SPATS2: variants seen among roughly 807,000 people sequenced by gnomAD.
SPATS2 encodes spermatogenesis associated serine rich 2.
Under a neutral mutation model 63.7 loss-of-function variants are expected in SPATS2, and 38 were observed. The ratio of observed to expected loss-of-function variants is 0.60; its 90% confidence interval spans 0.46 to 0.78. The LOEUF is 0.78. Among genes scored for constraint, SPATS2 ranks in the 30% least tolerant of loss-of-function variants. SPATS2 has a pLI of 0.00. For missense variants in SPATS2, 588 were observed against 666.2 expected, an observed-to-expected ratio of 0.88 and a Z score of 1.29; for synonymous variants, 207 against 232.9, an observed-to-expected ratio of 0.89 and a Z score of 1.01.
At chr12:49,399,984 A>C (rs944176876) in intron 2 of SPATS2, among the ~76,000 whole-genome samples, 8 of 152,090 alleles carry the variant, frequency 5.3e-5, no homozygotes, top group African/African-American at 1.7e-4. Context: ...TGCAGTGAGC[A>C]GCGATCACGC....
Position 49,524,744 on chromosome 12 carries a change from T to C in SPATS2, c.1174T>C (p.Leu392=). 1.2e-6 allele frequency: 2 copies of C among 1,614,210 alleles called. No individual in the cohort carries two copies. The highest frequency in any genetic ancestry group is 1.7e-5 in the Admixed American group (1 of 60,022). The change falls in exon 13 of 14, where the codon TTG becomes CTG. Residue 392 remains leucine, a synonymous_variant. Transcript: ENST00000552918. ...ATGTAGCTCAGTTACATCTGTGTCC[T>C]TGAGTAGCCCAAGTGATGCCTCTGC... ...SRCSSVTSVS[L]SSPSDASAAS...
intron 2 of SPATS2, among the ~76,000 whole-genome samples, chr12:49,405,320 G>A (rs1032069620): frequency 2.0e-5 from 3 of 151,952 alleles, no homozygotes; most frequent in Non-Finnish European, 4.4e-5. Flanking sequence ...TTTAAACCCA[G>A]ATGTCTGAAT....
chr12:49,481,939 C>T (rs943694590), intron 3 of SPATS2, among the ~76,000 whole-genome samples: 66 of 152,138 alleles, frequency 4.3e-4, no homozygotes, highest in African/African-American at 1.5e-3. Context: ...TTATTTCTTA[C>T]CAATAGAATT....
Position 49,430,303 on chromosome 12 carries a change from T to C in SPATS2, c.-243-30467T>C, listed in dbSNP as rs548188895. 5.3e-5 allele frequency among the ~76,000 whole-genome samples: 8 copies of C among 151,886 alleles called. No homozygotes were observed. In the South Asian group the frequency reaches 1.7e-3, roughly 32 times the overall value. ...TTTTAGTAGAGATGGTGTTTCACTA[T>C]GTTGGCCAGGCTGGTCTCGAACCCC... is the stretch of plus-strand genomic sequence containing the variant. On this transcript the variant is annotated intron_variant, in intron 2 of 13. Coordinates refer to ENST00000552918, the MANE Select transcript of SPATS2 (RefSeq NM_023071.4).
chr12:49,498,142 AAAAATAT>A (rs1267747323), intron 8 of SPATS2, among the ~76,000 whole-genome samples: 3 of 119,548 alleles, frequency 2.5e-5, no homozygotes, highest in Non-Finnish European at 3.5e-5. Flanking sequence ...CAAAAAAAAA[AAAAATAT>A]ATATATATAT....
chr12:49,410,785 ATT>A (rs765200118), intron 2 of SPATS2, among the ~76,000 whole-genome samples: 1 of 145,360 alleles, frequency 6.9e-6, no homozygotes. Context: ...CTTAAAAGGA[ATT>A]TTTTTTTTTT....
At chr12:49,429,312 A>G (rs1945137692) in intron 2 of SPATS2, among the ~76,000 whole-genome samples, 1 of 152,186 alleles carries the variant, frequency 6.6e-6, no homozygotes, top group South Asian at 2.1e-4. Context: ...TTTTCAAAAT[A>G]AAATTTATGG....
intron 3 of SPATS2, among the ~76,000 whole-genome samples, chr12:49,478,138 C>G (rs576656282): frequency 6.6e-6 from 1 of 151,314 alleles, no homozygotes; most frequent in Non-Finnish European, 1.5e-5. Context: ...GCCAGCATGC[C>G]CAGCTACTTT....
At chr12:49,487,501 G>A (rs920502142) in intron 4 of SPATS2, among the ~76,000 whole-genome samples, 4 of 152,002 alleles carry the variant, frequency 2.6e-5, no homozygotes, top group African/African-American at 7.2e-5. Context: ...ATAAAAAAAC[G>A]GTCAGTGGGA....
intron 2 of SPATS2, among the ~76,000 whole-genome samples, chr12:49,447,530 C>T (rs1295015100): frequency 1.3e-5 from 2 of 152,218 alleles, no homozygotes; most frequent in Admixed American, 1.3e-4. Context: ...AGCCACTGTG[C>T]CCGGCCTGTT....
At chr12:49,414,907 A>G (rs1254276779) in intron 2 of SPATS2, among the ~76,000 whole-genome samples, 8 of 137,500 alleles carry the variant, frequency 5.8e-5, no homozygotes, top group African/African-American at 2.2e-4. Context: ...CCCAGGGAGC[A>G]TTTCTTTCTT....
intron 2 of SPATS2, among the ~76,000 whole-genome samples, chr12:49,418,215 A>G (rs950054780): frequency 6.2e-5 from 9 of 144,974 alleles, no homozygotes; most frequent in African/African-American, 1.8e-4. Context: ...CCTGCACTCA[A>G]GGGATCCTCC....
chr12:49,409,618 T>C (rs974012589), intron 2 of SPATS2, among the ~76,000 whole-genome samples: 1 of 145,024 alleles, frequency 6.9e-6, no homozygotes, highest in Non-Finnish European at 1.5e-5. Context: ...TTTTTTTTTT[T>C]TCAGATGGAG....
At position 49,516,204 on chromosome 12, in the gene SPATS2, T is replaced by TAAATAAATAA. The variant is rs1555193493; in HGVS notation, c.898+1592_898+1593insAATAAATAAA. 1.3e-4 allele frequency among the ~76,000 whole-genome samples: 9 copies of TAAATAAATAA among 70,734 alleles called. 1 individual carries two copies. The highest frequency in any genetic ancestry group is 4.7e-4 in the African/African-American group (9 of 19,038). 46.4% of individuals were successfully genotyped at this position (70,734 alleles called of 152,430 possible). A position where few individuals can be genotyped will look rare whatever the true frequency, so the allele number is the denominator to read the frequency against. On this transcript the variant is annotated intron_variant, in intron 10 of 13. Transcript: ENST00000552918. ...ATATATATATATATATATATATATA[T>TAAATAAATAA]ATATAAATCAGGCATGGGGTCATGT...
At chr12:49,385,201 C>G (rs1175893687) in intron 2 of SPATS2, among the ~76,000 whole-genome samples, 6 of 151,088 alleles carry the variant, frequency 4.0e-5, no homozygotes, top group Admixed American at 4.0e-4. Flanking sequence ...CTGAATGCAG[C>G]TTATATTCTA....
At chr12:49,493,919 T>G (rs952463077) in intron 6 of SPATS2, among the ~76,000 whole-genome samples, 1 of 152,238 alleles carries the variant, frequency 6.6e-6, no homozygotes, top group African/African-American at 2.4e-5. Context: ...TTTCTTGTTT[T>G]TATGGATACA....
chr12:49,524,635 G>T (rs1428922647), intron 12 of SPATS2, 47 bp from the exon 13 acceptor site: 2 of 1,576,154 alleles, frequency 1.3e-6, no homozygotes, highest in African/African-American at 1.3e-5. Context: ...CTTATCCATT[G>T]TGCTGTTCTA....
intron 2 of SPATS2, among the ~76,000 whole-genome samples, chr12:49,406,036 G>A (rs1592366627): frequency 3.3e-5 from 5 of 152,160 alleles, no homozygotes; most frequent in Admixed American, 3.3e-4. Flanking sequence ...GGCCGAGGCG[G>A]GTGGATCACT....
intron 2 of SPATS2, among the ~76,000 whole-genome samples, chr12:49,436,982 G>T (rs1471759420): frequency 6.2e-5 from 9 of 145,022 alleles, no homozygotes; most frequent in Admixed American, 2.0e-4. Flanking sequence ...CTCCATTCCG[G>T]ACTGGGGCGG....
Sources: gnomAD v4.1 joint callset for allele counts (sites outside exome capture counted in the v4.1 genomes callset) on GRCh38, gnomAD v4.1.1 for gene constraint, MANE v1.5 for transcripts, NCBI Gene and HGNC (gene_info 2026-07-23, HGNC 2026-07-21) for gene names.